The following TACC3 variants were observed in gnomAD, a reference collection of about 807,000 sequenced individuals.
TACC3 encodes transforming acidic coiled-coil containing protein 3, also known as transforming acidic coiled-coil-containing protein 3.
TACC3 carries 52 observed loss-of-function variants against 86.0 expected under a neutral mutation model. The ratio of observed to expected loss-of-function variants is 0.60; its 90% CI spans 0.48 to 0.76. The LOEUF is 0.76. Among genes scored for constraint, TACC3 ranks in the 30% least tolerant of loss-of-function variants. TACC3 has a pLI of 0.00. For synonymous variants in TACC3, 512 were observed against 430.0 expected (o/e 1.19, Z -2.36); for missense variants, 1,120 against 1,070.4 (o/e 1.05, Z -0.65).
In TACC3 at chr4:1,728,682, G is replaced by A. The variant is rs1170913466; in HGVS notation, c.1280G>A (p.Ser427Asn). 3 of 1,613,618 alleles carry A rather than the reference G, an allele frequency of 1.9e-6. No homozygotes were observed. Among genetic ancestry groups the A allele is most frequent in the Non-Finnish European group, 2.5e-6 (3 of 1,180,036 alleles). ...GGAGGTGACACCAAGTCTGGTTGCA[G>A]TGAGGCCCAGCCCCCAGAAAGCCCT... ...PFGGDTKSGC[S>N]EAQPPESPET... The change falls in exon 4 of 16, where the codon AGT (serine) becomes AAT (asparagine). Residue 427 changes from serine (S) to asparagine (N), a missense_variant. Coordinates refer to ENST00000313288, the MANE Select transcript of TACC3 (RefSeq NM_006342.3).
At chr4:1,729,136 GGCAAAGCCTGTTACT>G (rs1217181775) in intron 4 of TACC3, among the ~76,000 whole-genome samples, 1 of 152,172 alleles carries the variant, frequency 6.6e-6, no homozygotes, top group Non-Finnish European at 1.5e-5. Context: ...CCAAAAGCCA[GGCAAAGCCTGTTACT>G]GCCTGGGTGG....
At chr4:1,722,288 G>A (rs1717437065) in intron 1 of TACC3, among the ~76,000 whole-genome samples, 1 of 152,162 alleles carries the variant, frequency 6.6e-6, no homozygotes, top group Non-Finnish European at 1.5e-5. Context: ...GGCTTCCTCC[G>A]AGTCACTTTC....
At position 1,730,895 on chromosome 4, in the gene TACC3, A is replaced by G; in HGVS notation, c.1394A>G (p.His465Arg). ...TGACTCTGTCTCCCCAGGCAGCTGC[A>G]TTCAGCCTCAGCGGAGGACACGCCT... ...EPGPCLSQQLHSASAEDTPVV... is the reference protein window; with the variant it reads ...EPGPCLSQQLRSASAEDTPVV... Residue 465 changes from histidine (H) to arginine (R), a missense_variant, in exon 5 of 16, where the codon CAT becomes CGT. Coordinates refer to ENST00000313288, the MANE Select transcript of TACC3 (RefSeq NM_006342.3). The G allele has an allele frequency of 1.2e-6, 2 of 1,613,254 alleles. No individual in the cohort carries two copies. Among genetic ancestry groups the G allele is most frequent in the South Asian group, 2.2e-5 (2 of 91,084 alleles).
intron 13 of TACC3, chr4:1,741,806 A>G (rs1718612658): frequency 6.6e-6 from 1 of 152,216 alleles, no homozygotes. Context: ...CCAGCTGCCT[A>G]ACAGAAGCAA....
intron 12 of TACC3, 44 bp downstream of exon 12, chr4:1,740,046 T>C (rs1718505274): frequency 6.2e-7 from 1 of 1,600,154 alleles, no homozygotes; most frequent in Non-Finnish European, 8.6e-7. Flanking sequence ...CACGAGGGGC[T>C]GCCTATGCCC....
intron 14 of TACC3, 22 bp downstream of exon 14, chr4:1,744,646 A>G (rs773876241): frequency 1.2e-6 from 2 of 1,612,348 alleles, no homozygotes; most frequent in East Asian, 2.2e-5. Context: ...GCGAGGCCCC[A>G]CCCTGGAGGG....
Position 1,728,610 on chromosome 4 carries a change from A to G in TACC3, c.1208A>G (p.Tyr403Cys), listed in dbSNP as rs556670650. 3 of 1,613,966 alleles carry G rather than the reference A, an allele frequency of 1.9e-6. No homozygotes were observed. The highest frequency in any genetic ancestry group is 2.2e-5 in the East Asian group (1 of 44,870). ...DPPMPASRGS[Y>C]HLDWDKMDDP... Reference sequence around the variant, plus strand: ...CCCATGCCAGCTTCTCGGGGCTCTTACCACCTCGACTGGGACAAAATGGAT... The same window carrying G: ...CCCATGCCAGCTTCTCGGGGCTCTTGCCACCTCGACTGGGACAAAATGGAT... The change falls in exon 4 of 16, where the codon TAC becomes TGC. Residue 403 changes from tyrosine (Y) to cysteine (C), a missense_variant. By Grantham distance (194) the Tyr-to-Cys change is radical. Coordinates refer to ENST00000313288, the MANE Select transcript of TACC3 (RefSeq NM_006342.3).
rs144550220 is a variant in TACC3, at chr4:1,737,247, C to T, written c.1755C>T (p.His585=). The T allele has an allele frequency of 1.3e-4, 214 of 1,613,924 alleles. 1 individual carries two copies. In the East Asian group the frequency reaches 3.3e-3, roughly 25 times the overall value. ...TGCCTCTGCTTGGTGGCAGCATGCA[C>T]GGTGCAAATGAGACTCCCTCAGGAC... ...VPVATETSSM[H]GANETPSGRP... is the part of the protein sequence containing the mutation. Residue 585 remains histidine, a synonymous_variant, in exon 9 of 16, where the codon CAC becomes CAT. Transcript: ENST00000313288.
chr4:1,735,716 C>G lies in TACC3; in HGVS notation c.1645-15C>G, dbSNP rs1485901928. 9 of 1,600,972 alleles carry G rather than the reference C, an allele frequency of 5.6e-6. No homozygotes were observed. Among genetic ancestry groups the G allele is most frequent in the Non-Finnish European group, 7.7e-6 (9 of 1,169,200 alleles). Reference sequence around the variant, plus strand: ...GATGGCAGTCAGACCTGATCACTTGCCCTCTTGTCCCCAGTTTAAGGAGTC... The same window carrying G: ...GATGGCAGTCAGACCTGATCACTTGGCCTCTTGTCCCCAGTTTAAGGAGTC... On this transcript the variant is annotated splice_polypyrimidine_tract_variant and intron_variant, in intron 7 of 15. Transcript: ENST00000313288. The surrounding 1 kb of genome is among the most constrained non-coding windows in gnomAD (Gnocchi z 4.2).
intron 11 of TACC3, 44 bp downstream of exon 11, chr4:1,739,822 C>T (rs774864486): frequency 3.3e-5 from 21 of 633,086 alleles, no homozygotes; most frequent in Non-Finnish European, 4.4e-5. Flanking sequence ...CCATCCCCCT[C>T]GCCATCCTTG....
At chr4:1,722,862 G>A (rs759680711) in intron 1 of TACC3, among the ~76,000 whole-genome samples, 1 of 152,102 alleles carries the variant, frequency 6.6e-6, no homozygotes. Flanking sequence ...CCTTGTTTGC[G>A]CATCGTCTCC....
intron 3 of TACC3, among the ~76,000 whole-genome samples, chr4:1,725,226 C>T (rs1344742041): frequency 6.6e-6 from 1 of 152,184 alleles, no homozygotes; most frequent in African/African-American, 2.4e-5. Flanking sequence ...GCCACCACGC[C>T]CGGCTGGCCC....
rs544910922 is a variant in TACC3, at chr4:1,739,764, G to A, written c.2004G>A (p.Lys668=). ...GCAGGTGTGAGGAGCTCCACGGGAA[G>A]AACCTGGAACTGGGGTAAGGAGGCC... ...LRSRCEELHG[K]NLELGKIMDR... Residue 668 remains lysine (K), a synonymous_variant, in exon 11 of 16, where the codon AAG becomes AAA. Coordinates refer to ENST00000313288, the MANE Select transcript of TACC3 (RefSeq NM_006342.3). 32 of 1,586,100 alleles carry A rather than the reference G, an allele frequency of 2.0e-5. No homozygotes were observed. The South Asian group carries it at 3.3e-4, about 16-fold the overall frequency.
chr4:1,738,635 C>T (rs1472533750), intron 10 of TACC3, among the ~76,000 whole-genome samples: 1 of 152,192 alleles, frequency 6.6e-6, no homozygotes, highest in Admixed American at 6.5e-5. Context: ...AAAGGGTGCC[C>T]CTCGCAGATG....
rs757069381 is a variant in TACC3, at chr4:1,723,461, GA to G, written c.47del (p.Asn16IlefsTer38). On this transcript the variant is annotated frameshift_variant, in exon 2 of 16. Transcript: ENST00000313288. LOFTEE classifies it high-confidence loss of function. ...QVLNDKNVSN[E>X]KNTENCDFLF... ...CTTAAACGACAAAAATGTCAGCAATGAAAAAAATACAGAAAATTGCGACTTC... is the reference window on the plus strand; with the variant it reads ...CTTAAACGACAAAAATGTCAGCAATGAAAAAATACAGAAAATTGCGACTTC... 1.9e-6 allele frequency: 3 copies of G among 1,613,304 alleles called. No individual in the cohort carries two copies. Among genetic ancestry groups the G allele is most frequent in the Non-Finnish European group, 2.5e-6 (3 of 1,179,926 alleles).
At chr4:1,721,407 G>A (rs1012638433), upstream of TACC3, 2 of 152,222 alleles carry the variant, frequency 1.3e-5, no homozygotes, top group Non-Finnish European at 1.5e-5. Flanking sequence ...GAGCCGGCGA[G>A]GCACAGCTTC....
chr4:1,729,737 G>A (rs1311404285), intron 4 of TACC3, among the ~76,000 whole-genome samples: 1 of 152,198 alleles, frequency 6.6e-6, no homozygotes, highest in African/African-American at 2.4e-5. Flanking sequence ...GGATGGCTGC[G>A]GGCGGGCCTG....
chr4:1,738,855 C>T (rs1423513113), intron 10 of TACC3, among the ~76,000 whole-genome samples: 2 of 150,878 alleles, frequency 1.3e-5, no homozygotes, highest in Non-Finnish European at 3.0e-5. Flanking sequence ...GAACAGGTAA[C>T]TCAAGGTGAC....
intron 3 of TACC3, among the ~76,000 whole-genome samples, chr4:1,725,160 G>A (rs896479833): frequency 3.3e-5 from 5 of 151,288 alleles, no homozygotes; most frequent in African/African-American, 9.7e-5. Context: ...TTGAACTCCC[G>A]ACCTCAGGTG....
Sources: allele counts gnomAD v4.1 joint callset (sites outside exome capture counted in the v4.1 genomes callset), GRCh38; gene constraint gnomAD v4.1.1; non-coding constraint Gnocchi (gnomAD v3.1); transcripts MANE v1.5; gene names NCBI Gene and HGNC (gene_info 2026-07-23, HGNC 2026-07-21).